SLC17A9: variants seen among roughly 807,000 people sequenced by gnomAD.
The protein encoded by SLC17A9 is solute carrier family 17 member 9, also known as voltage-gated purine nucleotide uniporter SLC17A9.
Under a neutral mutation model 55.0 loss-of-function variants are expected in SLC17A9, and 49 were observed. The observed-to-expected ratio is 0.89, with a 90% confidence interval of 0.71 to 1.13. The LOEUF (loss-of-function observed/expected upper bound fraction) is 1.13, where lower values mean the gene tolerates loss of function less well. Ranked by LOEUF, SLC17A9 falls within the 50% of genes most tolerant of loss-of-function variation. SLC17A9 has a pLI of 0.00. For missense variants in SLC17A9, 526 were observed against 569.3 expected, an observed-to-expected ratio of 0.92 and a Z score of 0.77; for synonymous variants, 256 against 247.4, an observed-to-expected ratio of 1.03 and a Z score of -0.32.
chr20:62,965,772 G>T, intron 10 of SLC17A9, 47 bp downstream of exon 10: 1 of 1,566,014 alleles, frequency 6.4e-7, no homozygotes. Flanking sequence ...CTGCCCGCAC[G>T]GCCGAGGCCC....
Position 62,952,861 on chromosome 20 carries a change from G to A in SLC17A9, c.31G>A (p.Asp11Asn), listed in dbSNP as rs1410883080. 42 of 1,437,928 alleles carry A rather than the reference G, an allele frequency of 2.9e-5. No individual in the cohort carries two copies. Among genetic ancestry groups the A allele is most frequent in the Non-Finnish European group, 3.7e-5 (40 of 1,086,784 alleles). 89.1% of individuals were successfully genotyped at this position (1,437,928 alleles called of 1,614,324 possible). A position where few individuals can be genotyped will look rare whatever the true frequency, so the allele number is the denominator to read the frequency against. ...GCCACCCCCAGACGAGGCCCGCAGG[G>A]ACATGGCCGGGGACACCCAGTGGTC... MQPPPDEARR[D>N]MAGDTQWSRP... is the part of the protein sequence containing the mutation. Residue 11 changes from aspartate to asparagine, a missense_variant, in exon 1 of 13, where the codon GAC (aspartate) becomes AAC (asparagine). By Grantham distance (23) the Asp-to-Asn change is conservative. Coordinates refer to ENST00000370351, the MANE Select transcript of SLC17A9 (RefSeq NM_022082.4).
intron 5 of SLC17A9, chr20:62,963,066 G>A: frequency 1.5e-6 from 1 of 647,914 alleles, no homozygotes; most frequent in Non-Finnish European, 2.7e-6. Context: ...CCGTGTGGAG[G>A]GTCGTTCAGA....
chr20:62,967,090 C>T (rs547285817), intron 12 of SLC17A9: 22 of 581,776 alleles, frequency 3.8e-5, no homozygotes, highest in African/African-American at 2.1e-4. Flanking sequence ...TTCCTTTCAG[C>T]GGGACAAAGG....
chr20:62,965,366 C>T (rs2065626174), intron 9 of SLC17A9, among the ~76,000 whole-genome samples, 200 bp downstream of exon 9: 1 of 152,236 alleles, frequency 6.6e-6, no homozygotes, highest in South Asian at 2.1e-4. Flanking sequence ...CATCCTGTGC[C>T]CCTCTGGGCC....
chr20:62,954,076 G>A (rs2008248), intron 1 of SLC17A9, among the ~76,000 whole-genome samples: 1,534 of 127,546 alleles, frequency 0.012, 66 homozygotes, highest in East Asian at 0.12. Context: ...AGCCCTTGCC[G>A]CAGCCTTCAC....
At chr20:62,957,660 C>A in intron 3 of SLC17A9, 80 bp downstream of exon 3, 1 of 1,264,514 alleles carries the variant, frequency 7.9e-7, no homozygotes, top group Admixed American at 2.9e-5. Flanking sequence ...GATGTGTGTG[C>A]AGGTGCATGC....
At chr20:62,957,079 C>T (rs538878300) in intron 2 of SLC17A9, 117 bp downstream of exon 2, 1 of 1,377,180 alleles carries the variant, frequency 7.3e-7, no homozygotes. Context: ...GGGGAAGGAG[C>T]TTGGTGGACA....
Position 62,965,171 on chromosome 20 carries a change from G to A in SLC17A9, c.945+5G>A. ...ACGGTGCGGAAGCTCATGCAGGTAG[G>A]AGAATCATTCCGGTCGTTCTCTCTG... On this transcript the variant is annotated splice_donor_5th_base_variant and intron_variant, in intron 9 of 12. Coordinates refer to ENST00000370351, the MANE Select transcript of SLC17A9 (RefSeq NM_022082.4). 1 of 1,614,152 alleles carries A rather than the reference G, an allele frequency of 6.2e-7. No individual in the cohort carries two copies. Among genetic ancestry groups the A allele is most frequent in the Non-Finnish European group, 8.5e-7 (1 of 1,180,036 alleles).
At position 62,968,202 on chromosome 20, in the gene SLC17A9, G is replaced by A. The variant is rs2065657271; in HGVS notation, c.*702G>A. 6.6e-6 allele frequency: 1 copy of A among 152,422 alleles called. No homozygotes were observed. The highest frequency in any genetic ancestry group is 2.1e-4 in the South Asian group (1 of 4,830). 9.4% of individuals were successfully genotyped at this position (152,422 alleles called of 1,614,324 possible). The stretch of plus-strand genomic sequence containing the variant: ...GGTGGGTGGCGGGCTAGAGACCCTT[G>A]CCTGTGTCCGGGACCCTGGCGCCGC... On this transcript the variant is annotated 3_prime_UTR_variant, in exon 13 of 13. Transcript: ENST00000370351.
intron 3 of SLC17A9, among the ~76,000 whole-genome samples, chr20:62,959,427 C>T (rs2065569793): frequency 2.0e-5 from 3 of 152,238 alleles, no homozygotes; most frequent in African/African-American, 4.8e-5. Context: ...CATCCTGTGC[C>T]CATGAGCCTA....
chr20:62,962,487 A>T lies in SLC17A9; in HGVS notation c.498-137A>T. The T allele has an allele frequency of 8.8e-7, 1 of 1,138,188 alleles. No homozygotes were observed. Among genetic ancestry groups the T allele is most frequent in the Non-Finnish European group, 1.2e-6 (1 of 822,064 alleles). The allele number at this position is 1,138,188 out of a possible 1,614,324, so 70.5% of individuals were successfully genotyped here. ...AAACAGGCCAGGACGGTGGCTTCTGAGCTGCTCCTCTGGAGGCGATGAAAA... is the reference window on the plus strand; with the variant it reads ...AAACAGGCCAGGACGGTGGCTTCTGTGCTGCTCCTCTGGAGGCGATGAAAA... On this transcript the variant is annotated intron_variant, in intron 4 of 12. Coordinates refer to ENST00000370351, the MANE Select transcript of SLC17A9 (RefSeq NM_022082.4). The surrounding 1 kb of genome is among the most constrained non-coding windows in gnomAD (Gnocchi z 5.5).
Position 62,957,502 on chromosome 20 carries a change from A to AC in SLC17A9, c.323dup (p.Leu109ThrfsTer43), listed in dbSNP as rs1194188513. 2 of 1,609,522 alleles carry AC rather than the reference A, an allele frequency of 1.2e-6. No individual in the cohort carries two copies. The highest frequency in any genetic ancestry group is 4.5e-5 in the East Asian group (2 of 44,430). ...TGCCTGGGGCTCCATCACGGCCGTC[A>AC]CCCCACTGCTCGCCCACCTGAGCAG... On this transcript the variant is annotated frameshift_variant, in exon 3 of 13. Transcript: ENST00000370351. LOFTEE classifies it high-confidence loss of function.
intron 9 of SLC17A9, among the ~76,000 whole-genome samples, 171 bp downstream of exon 9, chr20:62,965,337 G>C (rs1043423563): frequency 2.6e-5 from 4 of 152,352 alleles, no homozygotes; most frequent in African/African-American, 2.4e-5. Flanking sequence ...ACAGCTGTTG[G>C]GGGGAAGGCT....
At position 62,965,131 on chromosome 20, in the gene SLC17A9, G is replaced by C; in HGVS notation, c.911-1G>C. 6.2e-7 allele frequency: 1 copy of C among 1,614,122 alleles called. No individual in the cohort carries two copies. The highest frequency in any genetic ancestry group is 8.5e-7 in the Non-Finnish European group (1 of 1,180,032). ...GCCCCTTCCTTGGCCTCCCCCTGTA[G>C]GTTACAGAGCCATCACGGTGCGGAA... On this transcript the variant is annotated splice_acceptor_variant, in intron 8 of 12. Coordinates refer to ENST00000370351, the MANE Select transcript of SLC17A9 (RefSeq NM_022082.4). LOFTEE classifies it high-confidence loss of function.
At position 62,967,523 on chromosome 20, in the gene SLC17A9, A is replaced by G. The variant is rs1453631417; in HGVS notation, c.*23A>G. On this transcript the variant is annotated 3_prime_UTR_variant, in exon 13 of 13. Transcript: ENST00000370351. The stretch of plus-strand genomic sequence containing the variant: ...TAGCTCCCAACCCCACAGCCTCTCC[A>G]AGGACCCAGGCGCCAGCAGCCCCAG... 6.2e-7 allele frequency: 1 copy of G among 1,608,062 alleles called. No homozygotes were observed. Among genetic ancestry groups the G allele is most frequent in the East Asian group, 2.2e-5 (1 of 44,746 alleles).
Position 62,966,600 on chromosome 20 carries a change from C to A in SLC17A9, c.1117+20C>A. The A allele has an allele frequency of 6.2e-7, 1 of 1,613,976 alleles. No homozygotes were observed. Among genetic ancestry groups the A allele is most frequent in the Non-Finnish European group, 8.5e-7 (1 of 1,179,924 alleles). ...TGTTTGGTGAGGACCTTGCCTTACC[C>A]CAGCTTTGCCCCTCCCTGGGCCTCC... On this transcript the variant is annotated intron_variant, in intron 11 of 12. Coordinates refer to ENST00000370351, the MANE Select transcript of SLC17A9 (RefSeq NM_022082.4).
Position 62,967,422 on chromosome 20 carries a change from C to T in SLC17A9, c.1233C>T (p.Ser411=), listed in dbSNP as rs937047047. 1 of 1,614,098 alleles carries T rather than the reference C, an allele frequency of 6.2e-7. No individual in the cohort carries two copies. Among genetic ancestry groups the T allele is most frequent in the Non-Finnish European group, 8.5e-7 (1 of 1,180,040 alleles). The change falls in exon 13 of 13, where the codon AGC becomes AGT. Residue 411 remains serine, a synonymous_variant. Transcript: ENST00000370351. ...TGTTCAACCTTGTGGCCATCATCAG[C>T]AACCTGGGGCTGTGCACCTTCCTGG... ...TCLFNLVAII[S]NLGLCTFLVF...
Position 62,969,553 on chromosome 20 carries a change from T to G in SLC17A9, c.*2053T>G, listed in dbSNP as rs1003045630. ...GTCACAAGTGTCAGCATTTTTCTCA[T>G]TTTTAAGGCTGAATAAAATATTGTG... is the stretch of plus-strand genomic sequence containing the variant. On this transcript the variant is annotated 3_prime_UTR_variant, in exon 13 of 13. Transcript: ENST00000370351. The G allele has an allele frequency of 6.6e-6, 1 of 152,366 alleles. No homozygotes were observed. Among genetic ancestry groups the G allele is most frequent in the African/African-American group, 2.4e-5 (1 of 41,586 alleles). 9.4% of individuals were successfully genotyped at this position (152,366 alleles called of 1,614,324 possible).
chr20:62,964,118 A>G, intron 7 of SLC17A9, 110 bp from the exon 8 acceptor site: 1 of 1,077,236 alleles, frequency 9.3e-7, no homozygotes, highest in Non-Finnish European at 1.4e-6. Flanking sequence ...CCTGCCGGAG[A>G]GCTTTCCTGG....
Sources: allele counts gnomAD v4.1 joint callset (sites outside exome capture counted in the v4.1 genomes callset), GRCh38; gene constraint gnomAD v4.1.1; non-coding constraint Gnocchi (gnomAD v3.1); transcripts MANE v1.5; gene names NCBI Gene and HGNC (gene_info 2026-07-23, HGNC 2026-07-21).